The following PRDM5 variants were observed in gnomAD, a reference collection of about 807,000 sequenced individuals.
PRDM5 encodes the protein PR/SET domain 5.
In PRDM5, 56 loss-of-function variants were observed where a neutral mutation model predicts 81.2. That is an observed-to-expected ratio of 0.69 (90% CI 0.56 to 0.86). The LOEUF (loss-of-function observed/expected upper bound fraction) is 0.86, where lower values mean the gene tolerates loss of function less well. Ranked by LOEUF, PRDM5 falls within the 40% of genes least tolerant of loss-of-function variation. The pLI, the probability that PRDM5 is intolerant of heterozygous loss-of-function variation, is 0.00. For synonymous variants in PRDM5, 267 were observed against 256.4 expected, an observed-to-expected ratio of 1.04 and a Z score of -0.39; for missense variants, 697 against 770.1, an observed-to-expected ratio of 0.91 and a Z score of 1.12.
In PRDM5 at chr4:120,695,095, T is replaced by C. The variant is rs1734362094; in HGVS notation, c.*16A>G. The C allele has an allele frequency of 6.8e-6, 11 of 1,609,082 alleles. No homozygotes were observed. Among genetic ancestry groups the C allele is most frequent in the Non-Finnish European group, 8.5e-6 (10 of 1,175,658 alleles). ...TAGGAGCCCTTCTGAATAGTTTAAT[T>C]CCTTTACAGCCCCTATTAGCTGTCA... On this transcript the variant is annotated 3_prime_UTR_variant, in exon 16 of 16. Coordinates refer to ENST00000264808, the MANE Select transcript of PRDM5 (RefSeq NM_018699.4).
At chr4:120,814,229 A>T (rs80327896) in intron 7 of PRDM5, among the ~76,000 whole-genome samples, 3,507 of 152,180 alleles carry the variant, frequency 0.023, 128 homozygotes, top group African/African-American at 0.08. Context: ...CTCTTAAGTA[A>T]CTGTGAGGAG....
intron 1 of PRDM5, among the ~76,000 whole-genome samples, chr4:120,919,487 A>C (rs1724625301): frequency 6.6e-6 from 1 of 152,216 alleles, no homozygotes; most frequent in Non-Finnish European, 1.5e-5. Context: ...ACATAATCTG[A>C]GAGCTTGAAA....
intron 2 of PRDM5, among the ~76,000 whole-genome samples, chr4:120,882,680 A>G (rs1230169595): frequency 6.6e-6 from 1 of 152,244 alleles, no homozygotes; most frequent in Non-Finnish European, 1.5e-5. Flanking sequence ...TACAATCTAC[A>G]AAGGTATTAT....
intron 10 of PRDM5, among the ~76,000 whole-genome samples, chr4:120,797,164 A>T (rs999222510): frequency 3.6e-4 from 55 of 152,212 alleles, no homozygotes; most frequent in African/African-American, 1.3e-3. Context: ...GAAGGTAGAG[A>T]GGTCACACAG....
intron 14 of PRDM5, among the ~76,000 whole-genome samples, chr4:120,716,556 T>C (rs1336392748): frequency 6.6e-6 from 1 of 152,166 alleles, no homozygotes; most frequent in Non-Finnish European, 1.5e-5. Flanking sequence ...GGCAGCTGTG[T>C]TTGTCCTTCA....
intron 4 of PRDM5, 106 bp from the exon 5 acceptor site, chr4:120,818,633 C>T (rs894771776): frequency 2.1e-6 from 2 of 954,386 alleles, no homozygotes; most frequent in Non-Finnish European, 3.3e-6. Context: ...CTTAATGATA[C>T]CATATGAATA....
rs770737888 is a variant in PRDM5 at position 120,710,290 on chromosome 4, GA to G, written c.1728+18del. ...TCTGTTATTGGAAGACACTATGGGGGAAAAAAATCCAAACTCACATCACACT... is the reference window on the plus strand; with the variant it reads ...TCTGTTATTGGAAGACACTATGGGGGAAAAAATCCAAACTCACATCACACT... On this transcript the variant is annotated intron_variant, in intron 15 of 15. Coordinates refer to ENST00000264808, the MANE Select transcript of PRDM5 (RefSeq NM_018699.4). 42 of 1,606,936 alleles carry G rather than the reference GA, an allele frequency of 2.6e-5. No individual in the cohort carries two copies. In the African/African-American group the frequency reaches 3.7e-4, roughly 14 times the overall value.
At chr4:120,774,916 A>G (rs1176522927) in intron 13 of PRDM5, among the ~76,000 whole-genome samples, 1 of 147,036 alleles carries the variant, frequency 6.8e-6, no homozygotes, top group Non-Finnish European at 1.5e-5. Flanking sequence ...ATGTATATGT[A>G]TATGTATATA....
chr4:120,740,870 C>T (rs1232699916), intron 14 of PRDM5, among the ~76,000 whole-genome samples: 1 of 152,224 alleles, frequency 6.6e-6, no homozygotes, highest in East Asian at 1.9e-4. Context: ...TTCATACCAA[C>T]TGCTCAATCT....
intron 3 of PRDM5, among the ~76,000 whole-genome samples, chr4:120,845,704 A>G (rs909589426): frequency 1.1e-4 from 17 of 152,190 alleles, no homozygotes; most frequent in Non-Finnish European, 2.5e-4. Flanking sequence ...TCAAGGATAA[A>G]TTTCGACTTT....
At chr4:120,771,326 G>A (rs1747262128) in intron 13 of PRDM5, among the ~76,000 whole-genome samples, 1 of 152,070 alleles carries the variant, frequency 6.6e-6, no homozygotes, top group African/African-American at 2.4e-5. Context: ...ATGGCAAGGA[G>A]AACAATTTAT....
intron 3 of PRDM5, among the ~76,000 whole-genome samples, chr4:120,852,321 G>A (rs956031798): frequency 6.6e-6 from 1 of 152,118 alleles, no homozygotes; most frequent in African/African-American, 2.4e-5. Context: ...TATTCTGGGT[G>A]TTTCTGTAAG....
intron 3 of PRDM5, among the ~76,000 whole-genome samples, chr4:120,822,681 T>A (rs1026388987): frequency 6.6e-6 from 1 of 152,184 alleles, no homozygotes; most frequent in Admixed American, 6.5e-5. Flanking sequence ...GGGAGGGCTT[T>A]TTTGAATAAT....
chr4:120,734,044 G>T (rs1477276301), intron 14 of PRDM5, among the ~76,000 whole-genome samples: 1 of 152,100 alleles, frequency 6.6e-6, no homozygotes, highest in East Asian at 1.9e-4. Context: ...GTATTGAAGT[G>T]GACCTAGGCA....
chr4:120,877,520 C>T (rs376112836), intron 2 of PRDM5, among the ~76,000 whole-genome samples: 191 of 152,208 alleles, frequency 1.3e-3, no homozygotes, highest in African/African-American at 3.8e-3. Flanking sequence ...TTAAAATAAA[C>T]GGGGCCGGGT....
intron 3 of PRDM5, among the ~76,000 whole-genome samples, chr4:120,829,265 C>T (rs1756411837): frequency 6.6e-6 from 1 of 151,984 alleles, no homozygotes; most frequent in South Asian, 2.1e-4. Flanking sequence ...TGGTTAGGAC[C>T]AAATGAACTC....
intron 2 of PRDM5, among the ~76,000 whole-genome samples, chr4:120,859,833 T>G (rs536442602): frequency 6.6e-6 from 1 of 152,306 alleles, no homozygotes; most frequent in African/African-American, 2.4e-5. Flanking sequence ...TCTACGTTTC[T>G]CTTCCACAAA....
chr4:120,793,009 A>C (rs971621265), intron 10 of PRDM5, among the ~76,000 whole-genome samples: 3 of 152,202 alleles, frequency 2.0e-5, no homozygotes, highest in African/African-American at 7.2e-5. Flanking sequence ...TGTATACTAC[A>C]GCAGGGGGTC....
At chr4:120,908,711 A>C (rs1450035520) in intron 1 of PRDM5, among the ~76,000 whole-genome samples, 3 of 152,246 alleles carry the variant, frequency 2.0e-5, no homozygotes, top group Non-Finnish European at 4.4e-5. Flanking sequence ...AGATTCCTCA[A>C]ATCAAGACTA....
Sources: allele counts gnomAD v4.1 joint callset (sites outside exome capture counted in the v4.1 genomes callset), GRCh38; gene constraint gnomAD v4.1.1; transcripts MANE v1.5; gene names NCBI Gene and HGNC (gene_info 2026-07-23, HGNC 2026-07-21).